USP26: variants seen among roughly 807,000 people sequenced by gnomAD.
USP26 encodes the protein ubiquitin carboxyl-terminal hydrolase 26.
For synonymous variants in USP26, 236 were observed against 240.6 expected, an observed-to-expected ratio of 0.98 and a Z score of 0.18; for missense variants, 649 against 642.3, an observed-to-expected ratio of 1.01 and a Z score of -0.11.
rs2067502881 is a variant in USP26, at chrX:133,063,924, C to A, written c.-77+19783G>T. Among the ~76,000 whole-genome samples, 4 of 112,129 alleles carry A rather than the reference C, an allele frequency of 3.6e-5. No homozygotes were observed. In the South Asian group the frequency reaches 1.5e-3, roughly 42 times the overall value. The stretch of plus-strand genomic sequence containing the variant: ...TGGACAAAATGCCCCAATTAAAAGA[C>A]ACAGACTGGCAAACTGGATAAAGAA... On this transcript the variant is annotated intron_variant, in intron 5 of 5. Transcript: ENST00000511190.
chrX:133,094,841 T>C (rs933483882), intron 1 of USP26, among the ~76,000 whole-genome samples: 1 of 111,481 alleles, frequency 9.0e-6, no homozygotes, highest in South Asian at 3.7e-4. Context: ...ACGCCTGTAA[T>C]CCCAGCACTT....
chrX:133,074,581 C>T (rs1361965520), intron 5 of USP26, among the ~76,000 whole-genome samples: 1 of 112,330 alleles, frequency 8.9e-6, no homozygotes, highest in African/African-American at 3.2e-5. Flanking sequence ...CTTTCCTGAT[C>T]TTGCAAAATA....
chrX:133,091,754 C>G (rs1261350618), intron 1 of USP26, among the ~76,000 whole-genome samples: 3 of 111,387 alleles, frequency 2.7e-5, no homozygotes, highest in Non-Finnish European at 5.7e-5. Flanking sequence ...GCACAGGGGA[C>G]AGGAGGAGGG....
chrX:133,086,434 C>T (rs1028509453), intron 4 of USP26, among the ~76,000 whole-genome samples: 1 of 110,362 alleles, frequency 9.1e-6, no homozygotes, highest in Non-Finnish European at 1.9e-5. Context: ...GTGGTGAGAC[C>T]TTGTCTCCAC....
At chrX:133,065,887 A>G (rs1298697515) in intron 5 of USP26, among the ~76,000 whole-genome samples, 2 of 111,953 alleles carry the variant, frequency 1.8e-5, no homozygotes, top group African/African-American at 6.5e-5. Flanking sequence ...CCATCAGGCA[A>G]GAGAAAGAAA....
intron 4 of USP26, among the ~76,000 whole-genome samples, chrX:133,084,307 T>G (rs1428172972): frequency 9.0e-6 from 1 of 111,151 alleles, no homozygotes; most frequent in Non-Finnish European, 1.9e-5. Flanking sequence ...CAAGTGATCC[T>G]CCCACCTCAG....
intron 5 of USP26, among the ~76,000 whole-genome samples, chrX:133,077,568 G>T (rs2067553875): frequency 8.9e-6 from 1 of 112,046 alleles, no homozygotes; most frequent in African/African-American, 3.2e-5. Flanking sequence ...GGCCAGATGA[G>T]TTTTGCTTCT....
At chrX:133,047,076 C>T (rs1335042996) in intron 5 of USP26, among the ~76,000 whole-genome samples, 1 of 111,894 alleles carries the variant, frequency 8.9e-6, no homozygotes, top group Non-Finnish European at 1.9e-5. Flanking sequence ...TAAACCTCAA[C>T]CAATGACTCT....
intron 5 of USP26, among the ~76,000 whole-genome samples, chrX:133,071,866 G>T (rs1170159001): frequency 5.4e-5 from 6 of 111,403 alleles, no homozygotes; most frequent in African/African-American, 1.6e-4. Context: ...GGACTTTAGG[G>T]ATCATCCATT....
chrX:133,095,872 G>T (rs1466358388), intron 1 of USP26, among the ~76,000 whole-genome samples: 1 of 110,142 alleles, frequency 9.1e-6, no homozygotes, highest in Non-Finnish European at 1.9e-5. Flanking sequence ...AGCCTCCCCA[G>T]TAGATGGGAT....
At position 133,038,626 on chromosome X, in the gene USP26, CT is replaced by C. The variant is rs1181611475; in HGVS notation, c.-76-10331del. Among the ~76,000 whole-genome samples the C allele has an allele frequency of 8.1e-5, 9 of 111,425 alleles. No homozygotes were observed. The East Asian group carries it at 2.6e-3, about 32-fold the overall frequency. ...ATCAGTGATACTGTCCTGAAATTTTCTTTTTTGTTGTCTCTGCCAGGTTTTG... is the reference window on the plus strand; with the variant it reads ...ATCAGTGATACTGTCCTGAAATTTTCTTTTTGTTGTCTCTGCCAGGTTTTG... On this transcript the variant is annotated intron_variant, in intron 5 of 5. Transcript: ENST00000511190.
Position 133,027,534 on chromosome X carries a change from C to T in USP26, c.687G>A (p.Glu229=). 1 of 1,209,198 alleles carries T rather than the reference C, an allele frequency of 8.3e-7. No homozygotes were observed. Among genetic ancestry groups the T allele is most frequent in the Non-Finnish European group, 1.1e-6 (1 of 894,130 alleles). The change falls in exon 6 of 6, where the codon GAG becomes GAA. Residue 229 remains glutamate (E), a synonymous_variant. Transcript: ENST00000511190. ...AAGATTCACATTCCAATTTCTTATT[C>T]TCTTCTAACTCTTTTAACTTCAATT... ...EKQLKLKELE[E]NKKLECESSC...
At chrX:133,065,057 G>A (rs1380791961) in intron 5 of USP26, among the ~76,000 whole-genome samples, 1 of 111,413 alleles carries the variant, frequency 9.0e-6, no homozygotes, top group Admixed American at 9.5e-5. Context: ...CATCACTGAT[G>A]CCACAGAAAT....
chrX:133,032,570 A>G (rs921941283), intron 5 of USP26, among the ~76,000 whole-genome samples: 1 of 112,204 alleles, frequency 8.9e-6, no homozygotes, highest in African/African-American at 3.2e-5. Flanking sequence ...TCATATATTT[A>G]CAGCAAGACC....
chrX:133,062,073 C>T (rs1602981694), intron 5 of USP26, among the ~76,000 whole-genome samples: 2 of 111,577 alleles, frequency 1.8e-5, no homozygotes, highest in African/African-American at 6.5e-5. Context: ...TCGAGCTTGG[C>T]GTGGGGAGGG....
chrX:133,081,437 C>T (rs1386333576), intron 5 of USP26, among the ~76,000 whole-genome samples: 1 of 111,114 alleles, frequency 9.0e-6, no homozygotes, highest in Non-Finnish European at 1.9e-5. Context: ...GCTGGGATTA[C>T]AGGCATGCGC....
In USP26 at chrX:133,027,109, G is replaced by T; in HGVS notation, c.1112C>A (p.Ala371Asp). ...LLNLKKAISA[A>D]AEIFHGNAQN... ...TGCATTGCCATGGAATATCTCTGCA[G>T]CTGCTGAAATGGCCTTTTTAAGATT... Residue 371 changes from alanine to aspartate, a missense_variant, in exon 6 of 6, where the codon GCT becomes GAT. By Grantham distance (126) the Ala-to-Asp change is moderately radical. Coordinates refer to ENST00000511190, the MANE Select transcript of USP26 (RefSeq NM_031907.3). The T allele has an allele frequency of 8.3e-7, 1 of 1,210,122 alleles. No homozygotes were observed. Among genetic ancestry groups the T allele is most frequent in the Non-Finnish European group, 1.1e-6 (1 of 894,224 alleles).
At chrX:133,062,861 A>G (rs947844497) in intron 5 of USP26, among the ~76,000 whole-genome samples, 9 of 111,278 alleles carry the variant, frequency 8.1e-5, no homozygotes, top group African/African-American at 2.9e-4. Flanking sequence ...AGGGCACAAA[A>G]CTGGATAGAG....
intron 5 of USP26, among the ~76,000 whole-genome samples, chrX:133,045,114 C>G (rs955736344): frequency 1.8e-5 from 2 of 111,589 alleles, no homozygotes; most frequent in Admixed American, 1.9e-4. Context: ...ACCTTTTTGT[C>G]TAGCTAAGGG....
Sources: allele counts gnomAD v4.1 joint callset (sites outside exome capture counted in the v4.1 genomes callset), GRCh38; gene constraint gnomAD v4.1.1; transcripts MANE v1.5; gene names NCBI Gene and HGNC (gene_info 2026-07-23, HGNC 2026-07-21).